The following LCN12 variants were observed in gnomAD, a reference collection of about 807,000 sequenced individuals.
LCN12 encodes epididymal-specific lipocalin-12.
LCN12 carries 15 observed loss-of-function variants against 23.7 expected under a neutral mutation model. That is an observed-to-expected ratio of 0.63 (90% CI 0.42 to 0.97). The LOEUF (loss-of-function observed/expected upper bound fraction) is 0.97, where lower values mean the gene tolerates loss of function less well. LCN12 is among the 50% of genes least tolerant of loss of function. The probability of loss-of-function intolerance (pLI) is 0.00; values close to 1 mark genes in which losing one functional copy is unlikely to be tolerated. For synonymous variants in LCN12, 116 were observed against 111.5 expected (o/e 1.04, Z -0.25); for missense variants, 219 against 249.6 (o/e 0.88, Z 0.83).
upstream of LCN12, among the ~76,000 whole-genome samples, chr9:136,950,297 C>T (rs1851122830): frequency 6.6e-6 from 1 of 152,222 alleles, no homozygotes; most frequent in Non-Finnish European, 1.5e-5. Flanking sequence ...CAGCCAGTGG[C>T]TACCTGGAGG....
In LCN12 at chr9:136,955,491, G is replaced by A. The variant is rs994728799; in HGVS notation, c.*92G>A. The stretch of plus-strand genomic sequence containing the variant: ...TCTCAAACCTGAATAAATGCACCAA[G>A]CCCAGAGCCCCAGAGTGTGACCACT... On this transcript the variant is annotated 3_prime_UTR_variant, in exon 6 of 6. Coordinates refer to ENST00000371633, the MANE Select transcript of LCN12 (RefSeq NM_178536.4). The A allele has an allele frequency of 1.5e-6, 2 of 1,370,452 alleles. No homozygotes were observed. The highest frequency in any genetic ancestry group is 2.1e-6 in the Non-Finnish European group (2 of 973,272). The allele number at this position is 1,370,452 out of a possible 1,614,324, so 84.9% of individuals were successfully genotyped here. A position where few individuals can be genotyped will look rare whatever the true frequency, so the allele number is the denominator to read the frequency against.
At chr9:136,954,054 C>T in intron 4 of LCN12, 90 bp downstream of exon 4, 1 of 1,545,012 alleles carries the variant, frequency 6.5e-7, no homozygotes, top group Non-Finnish European at 8.7e-7. Context: ...CCCACCCCGC[C>T]TGGAGTGACT....
chr9:136,950,844 G>A (rs1248141220), upstream of LCN12, among the ~76,000 whole-genome samples: 3 of 152,196 alleles, frequency 2.0e-5, no homozygotes, highest in Non-Finnish European at 2.9e-5. Flanking sequence ...GAGCCCTGAA[G>A]TCCTGGGGGC....
At position 136,955,482 on chromosome 9, in the gene LCN12, A is replaced by C; in HGVS notation, c.*83A>C. 7.0e-7 allele frequency: 1 copy of C among 1,422,330 alleles called. No individual in the cohort carries two copies. Among genetic ancestry groups the C allele is most frequent in the Non-Finnish European group, 9.8e-7 (1 of 1,015,788 alleles). The allele number at this position is 1,422,330 out of a possible 1,614,324, so 88.1% of individuals were successfully genotyped here. ...CTCCTCAGCTCTCAAACCTGAATAAATGCACCAAGCCCAGAGCCCCAGAGT... is the reference window on the plus strand; with the variant it reads ...CTCCTCAGCTCTCAAACCTGAATAACTGCACCAAGCCCAGAGCCCCAGAGT... On this transcript the variant is annotated 3_prime_UTR_variant, in exon 6 of 6. Coordinates refer to ENST00000371633, the MANE Select transcript of LCN12 (RefSeq NM_178536.4).
At chr9:136,954,363 GCCCCA>G in intron 5 of LCN12, 108 bp downstream of exon 5, 1 of 1,270,102 alleles carries the variant, frequency 7.9e-7, no homozygotes, top group Non-Finnish European at 1.1e-6. Flanking sequence ...AGGGAGCTCA[GCCCCA>G]GCCTGCGCTC....
At chr9:136,955,087 C>T in intron 5 of LCN12, 1 of 1,408,454 alleles carries the variant, frequency 7.1e-7, no homozygotes, top group South Asian at 1.6e-5. Context: ...CTATGCCAGG[C>T]CTCCTGGGTC....
At position 136,954,217 on chromosome 9, in the gene LCN12, G is replaced by C; in HGVS notation, c.512G>C (p.Gly171Ala). ...DQFICLGRAQ[G>A]LSDDNIVFPD... ...TTCATCTGCCTGGGCAGAGCTCAGGGCCTCTCGGATGACAACATCGTCTTC... is the reference window on the plus strand; with the variant it reads ...TTCATCTGCCTGGGCAGAGCTCAGGCCCTCTCGGATGACAACATCGTCTTC... Residue 171 changes from glycine to alanine, a missense_variant, in exon 5 of 6, where the codon GGC (glycine) becomes GCC (alanine). Transcript: ENST00000371633. 6.3e-7 allele frequency: 1 copy of C among 1,577,960 alleles called. No individual in the cohort carries two copies. Among genetic ancestry groups the C allele is most frequent in the Non-Finnish European group, 8.6e-7 (1 of 1,161,364 alleles).
intron 5 of LCN12, chr9:136,955,042 TG>T (rs1851291006): frequency 7.2e-7 from 1 of 1,396,878 alleles, no homozygotes; most frequent in Admixed American, 3.0e-5. Flanking sequence ...GCACACGTGC[TG>T]GTCTGCACAC....
In LCN12 at chr9:136,953,892, T is replaced by C; in HGVS notation, c.376T>C (p.Tyr126His). The change falls in exon 4 of 6, where the codon TAC becomes CAC. Residue 126 changes from tyrosine to histidine, a missense_variant. Transcript: ENST00000371633. Reference protein sequence around the residue: ...REETRVVDSDYTQFALMLSRR... With the variant: ...REETRVVDSDHTQFALMLSRR... ...GGAGACCCGGGTGGTGGACAGCGAC[T>C]ACACCCAGTTCGCCCTGATGCTGTC... 2 of 1,610,352 alleles carry C rather than the reference T, an allele frequency of 1.2e-6. No homozygotes were observed. Among genetic ancestry groups the C allele is most frequent in the Non-Finnish European group, 1.7e-6 (2 of 1,178,946 alleles).
At chr9:136,956,117 C>T (rs1851314815), downstream of LCN12, among the ~76,000 whole-genome samples, 1 of 152,098 alleles carries the variant, frequency 6.6e-6, no homozygotes, top group Admixed American at 6.6e-5. Flanking sequence ...GGACGCCCAC[C>T]CCCACCGGCC....
chr9:136,955,223 T>C, intron 5 of LCN12, 148 bp from the exon 6 acceptor site: 2 of 1,441,620 alleles, frequency 1.4e-6, no homozygotes, highest in Non-Finnish European at 1.8e-6. Flanking sequence ...CCCAGCCCCT[T>C]CCCCTAGACC....
Position 136,953,819 on chromosome 9 carries a change from ACAGGGATGTGACGTCTGTGCCGCCT to A in LCN12, c.332-25_332-1del. 1 of 1,599,216 alleles carries A rather than the reference ACAGGGATGTGACGTCTGTGCCGCCT, an allele frequency of 6.3e-7. No individual in the cohort carries two copies. Among genetic ancestry groups the A allele is most frequent in the Non-Finnish European group, 8.5e-7 (1 of 1,173,224 alleles). ...GGAGGGAGGGACGGGGTGCTGGCCC[ACAGGGATGTGACGTCTGTGCCGCCT>A]CAGAGCCCGGGGCGGACAGAGAGGA... On this transcript the variant is annotated splice_polypyrimidine_tract_variant and splice_region_variant and intron_variant, in intron 3 of 5. Coordinates refer to ENST00000371633, the MANE Select transcript of LCN12 (RefSeq NM_178536.4).
In LCN12 at chr9:136,954,146, G is replaced by T. The variant is rs1339423877; in HGVS notation, c.449-8G>T. Reference sequence around the variant, plus strand: ...GCACAGACCCATGCTGGGCTCCCTGGGCTGCAGGCAGGAGCTGGTTGCTGC... The same window carrying T: ...GCACAGACCCATGCTGGGCTCCCTGTGCTGCAGGCAGGAGCTGGTTGCTGC... On this transcript the variant is annotated splice_polypyrimidine_tract_variant and splice_region_variant and intron_variant, in intron 4 of 5. Coordinates refer to ENST00000371633, the MANE Select transcript of LCN12 (RefSeq NM_178536.4). 1 of 1,545,426 alleles carries T rather than the reference G, an allele frequency of 6.5e-7. No individual in the cohort carries two copies. Among genetic ancestry groups the T allele is most frequent in the Non-Finnish European group, 8.7e-7 (1 of 1,143,554 alleles).
upstream of LCN12, among the ~76,000 whole-genome samples, chr9:136,949,235 TA>T (rs1380320501): frequency 6.6e-6 from 1 of 151,712 alleles, no homozygotes; most frequent in Non-Finnish European, 1.5e-5. Context: ...CATCTCTATT[TA>T]AAAAAAAAGT....
At chr9:136,953,235 C>T (rs747320569) in intron 2 of LCN12, among the ~76,000 whole-genome samples, 14 of 150,704 alleles carry the variant, frequency 9.3e-5, no homozygotes, top group East Asian at 1.9e-4. Flanking sequence ...CCTAGCACTT[C>T]GGGGGCCGGG....
rs749729868 is a variant in LCN12, at chr9:136,953,931, A to AGCAG, written c.418_421dup (p.Leu141GlnfsTer36). On this transcript the variant is annotated frameshift_variant, in exon 4 of 6. Transcript: ENST00000371633. LOFTEE classifies it high-confidence loss of function. ...CCTGATGCTGTCCCGCAGACACACG[A>AGCAG]GCAGGCTGGCCGTCCTCAGGATCAG... 6.2e-7 allele frequency: 1 copy of AGCAG among 1,611,366 alleles called. No homozygotes were observed. Among genetic ancestry groups the AGCAG allele is most frequent in the Admixed American group, 1.7e-5 (1 of 59,962 alleles).
At position 136,953,796 on chromosome 9, in the gene LCN12, A is replaced by G; in HGVS notation, c.331+17A>G. 2.5e-6 allele frequency: 4 copies of G among 1,603,796 alleles called. No individual in the cohort carries two copies. Among genetic ancestry groups the G allele is most frequent in the Non-Finnish European group, 3.4e-6 (4 of 1,175,474 alleles). ...ACGGTGTGGGTAAGCCAGTCACAGG[A>G]GGGAGGGACGGGGTGCTGGCCCACA... On this transcript the variant is annotated intron_variant, in intron 3 of 5. Coordinates refer to ENST00000371633, the MANE Select transcript of LCN12 (RefSeq NM_178536.4).
Position 136,954,139 on chromosome 9 carries a change from C to G in LCN12, c.449-15C>G. On this transcript the variant is annotated splice_polypyrimidine_tract_variant and intron_variant, in intron 4 of 5. Transcript: ENST00000371633. The stretch of plus-strand genomic sequence containing the variant: ...GCCAAGTGCACAGACCCATGCTGGG[C>G]TCCCTGGGCTGCAGGCAGGAGCTGG... 1 of 1,539,582 alleles carries G rather than the reference C, an allele frequency of 6.5e-7. No individual in the cohort carries two copies. The highest frequency in any genetic ancestry group is 8.8e-7 in the Non-Finnish European group (1 of 1,140,556).
Position 136,954,139 on chromosome 9 carries a change from C to T in LCN12, c.449-15C>T. On this transcript the variant is annotated splice_polypyrimidine_tract_variant and intron_variant, in intron 4 of 5. Transcript: ENST00000371633. ...GCCAAGTGCACAGACCCATGCTGGG[C>T]TCCCTGGGCTGCAGGCAGGAGCTGG... 1 of 1,539,582 alleles carries T rather than the reference C, an allele frequency of 6.5e-7. No individual in the cohort carries two copies. Among genetic ancestry groups the T allele is most frequent in the East Asian group, 2.4e-5 (1 of 41,498 alleles).
Sources: allele counts gnomAD v4.1 joint callset (sites outside exome capture counted in the v4.1 genomes callset), GRCh38; gene constraint gnomAD v4.1.1; transcripts MANE v1.5; gene names NCBI Gene and HGNC (gene_info 2026-07-23, HGNC 2026-07-21).